Variants in ZMYM2 observed in about 807,000 individuals in gnomAD.
ZMYM2 encodes the protein zinc finger MYM-type containing 2, also known as zinc finger MYM-type protein 2.
In ZMYM2, 56 loss-of-function variants were observed where a neutral mutation model predicts 162.8. The observed-to-expected ratio is 0.34, with a 90% CI of 0.28 to 0.43. The LOEUF (loss-of-function observed/expected upper bound fraction) is 0.43. Ranked by LOEUF, ZMYM2 falls within the 20% of genes least tolerant of loss-of-function variation. The pLI is 1.00. For synonymous variants in ZMYM2, 510 were observed against 541.6 expected, an observed-to-expected ratio of 0.94 and a Z score of 0.81; for missense variants, 1,275 against 1,621.8, an observed-to-expected ratio of 0.79 and a Z score of 3.67.
At chr13:20,082,617 T>C (rs756122400) in intron 22 of ZMYM2, among the ~76,000 whole-genome samples, 164 bp from the exon 23 acceptor site, 2 of 152,240 alleles carry the variant, frequency 1.3e-5, no homozygotes, top group Non-Finnish European at 2.9e-5. Context: ...AGCCTCTGTA[T>C]TGTTAAAGAG....
At position 20,025,168 on chromosome 13, in the gene ZMYM2, A is replaced by G. The variant is rs114534231; in HGVS notation, c.1585-1444A>G. 6.3e-4 allele frequency: 129 copies of G among 205,674 alleles called. 1 individual carries two copies. The highest frequency in any genetic ancestry group is 2.8e-3 in the African/African-American group (123 of 43,906). 12.7% of individuals were successfully genotyped at this position (205,674 alleles called of 1,614,324 possible). ...GGCCTGATTGTTATCTATAACACCT[A>G]TTATTTATGCTATCCATGGAACATT... On this transcript the variant is annotated intron_variant, in intron 7 of 24. Transcript: ENST00000610343.
At chr13:19,882,837 G>A in the ZMYM2 span, among the ~76,000 whole-genome samples, 2 of 152,106 alleles carry the variant, frequency 1.3e-5, no homozygotes, top group African/African-American at 4.8e-5. Context: ...AACTACTGTG[G>A]AAAACTAGTG....
intron 2 of ZMYM2, among the ~76,000 whole-genome samples, chr13:19,987,190 G>T: frequency 6.6e-6 from 1 of 150,854 alleles, no homozygotes; most frequent in East Asian, 1.9e-4. Flanking sequence ...AAATGGTAGA[G>T]GTCAGGATTT....
At chr13:20,033,234 C>G (rs917084195) in intron 10 of ZMYM2, among the ~76,000 whole-genome samples, 2 of 151,922 alleles carry the variant, frequency 1.3e-5, no homozygotes, top group African/African-American at 4.8e-5. Flanking sequence ...GATACTAGAT[C>G]AAAATGAGGT....
chr13:20,061,318 TC>T, intron 17 of ZMYM2, 94 bp downstream of exon 17: 1 of 1,377,820 alleles, frequency 7.3e-7, no homozygotes, highest in Non-Finnish European at 9.7e-7. Flanking sequence ...TCATTTTGTT[TC>T]AACTTATGTG....
the ZMYM2 span, among the ~76,000 whole-genome samples, chr13:19,908,958 T>A: frequency 6.6e-6 from 1 of 152,128 alleles, no homozygotes; most frequent in Non-Finnish European, 1.5e-5. Context: ...CTAGAACACA[T>A]TGTGAGAACT....
intron 14 of ZMYM2, among the ~76,000 whole-genome samples, chr13:20,054,630 T>A (rs1351719705): frequency 6.6e-6 from 1 of 152,236 alleles, no homozygotes; most frequent in Non-Finnish European, 1.5e-5. Flanking sequence ...TCCTGCCTAT[T>A]GACTAAAAAA....
At chr13:19,953,704 A>G (rs983950004), upstream of ZMYM2, among the ~76,000 whole-genome samples, 2 of 151,468 alleles carry the variant, frequency 1.3e-5, no homozygotes, top group African/African-American at 4.8e-5. Context: ...AAAAAAAAAA[A>G]AAATTCCACC....
the ZMYM2 span, among the ~76,000 whole-genome samples, chr13:19,876,026 T>TA: frequency 3.3e-5 from 5 of 149,292 alleles, no homozygotes; most frequent in Admixed American, 2.0e-4. Flanking sequence ...CCTTTGTTCT[T>TA]AAATTTTTTT....
chr13:20,010,875 G>A (rs377636502), intron 6 of ZMYM2, among the ~76,000 whole-genome samples: 3 of 152,234 alleles, frequency 2.0e-5, no homozygotes, highest in South Asian at 2.1e-4. Context: ...TCCTGACATC[G>A]TAATCTGCCC....
chr13:20,062,151 CAG>C (rs761780337), intron 17 of ZMYM2, among the ~76,000 whole-genome samples: 26 of 152,218 alleles, frequency 1.7e-4, no homozygotes, highest in Admixed American at 5.2e-4. Flanking sequence ...AATAATGAGA[CAG>C]TGTTTTTGAA....
intron 12 of ZMYM2, among the ~76,000 whole-genome samples, chr13:20,049,821 T>TA (rs1349545488): frequency 4.6e-5 from 7 of 152,064 alleles, no homozygotes; most frequent in Non-Finnish European, 1.0e-4. Context: ...AGTCAGGCTG[T>TA]AACTCTACTT....
At chr13:19,875,507 A>G in the ZMYM2 span, among the ~76,000 whole-genome samples, 2 of 151,208 alleles carry the variant, frequency 1.3e-5, no homozygotes, top group African/African-American at 4.9e-5. Context: ...GCGCGCCTAT[A>G]GTGCCAGCTA....
chr13:19,985,354 A>T (rs140112314), intron 2 of ZMYM2, among the ~76,000 whole-genome samples: 2 of 152,198 alleles, frequency 1.3e-5, no homozygotes, highest in South Asian at 2.1e-4. Context: ...TAACTCCTAG[A>T]CACAAGTGAT....
the ZMYM2 span, among the ~76,000 whole-genome samples, chr13:19,906,636 C>T: frequency 6.6e-6 from 1 of 151,656 alleles, no homozygotes; most frequent in Admixed American, 6.6e-5. Flanking sequence ...GGTGCAGTGG[C>T]ATGATCACAG....
intron 6 of ZMYM2, among the ~76,000 whole-genome samples, chr13:20,011,682 C>T (rs866835422): frequency 1.8e-4 from 27 of 150,434 alleles, no homozygotes; most frequent in African/African-American, 5.2e-4. Context: ...TTGGTTCAAG[C>T]GATTCTCTTG....
chr13:20,036,622 A>G (rs1953729118), intron 11 of ZMYM2, 115 bp from the exon 12 acceptor site: 1 of 779,910 alleles, frequency 1.3e-6, no homozygotes, highest in East Asian at 3.1e-5. Flanking sequence ...ATTACAGTAG[A>G]TTTTATAGTT....
intron 3 of ZMYM2, among the ~76,000 whole-genome samples, chr13:19,999,250 T>C (rs947667963): frequency 2.0e-5 from 3 of 152,232 alleles, no homozygotes; most frequent in African/African-American, 7.2e-5. Flanking sequence ...AATTGCATTT[T>C]ACACAAATTG....
At chr13:19,927,503 C>T in the ZMYM2 span, among the ~76,000 whole-genome samples, 2 of 152,170 alleles carry the variant, frequency 1.3e-5, no homozygotes, top group Non-Finnish European at 1.5e-5. Flanking sequence ...TGTTCATTTT[C>T]CAGTCTGTTG....
Sources: allele counts gnomAD v4.1 joint callset (sites outside exome capture counted in the v4.1 genomes callset), GRCh38; gene constraint gnomAD v4.1.1; transcripts MANE v1.5; gene names NCBI Gene and HGNC (gene_info 2026-07-23, HGNC 2026-07-21).